BPI: variants seen among roughly 807,000 people sequenced by gnomAD.
The protein encoded by BPI is bactericidal permeability increasing protein.
A neutral mutation model predicts 57.6 loss-of-function variants in BPI; 48 were observed. That is an observed-to-expected ratio of 0.83 (90% CI 0.66 to 1.06). The LOEUF is 1.06. Among genes scored for constraint, BPI ranks in the 50% least tolerant of loss-of-function variants. The probability of loss-of-function intolerance (pLI) is 0.00; values close to 1 mark genes in which losing one functional copy is unlikely to be tolerated. For missense variants in BPI, 651 were observed against 609.7 expected (o/e 1.07, Z -0.71); for synonymous variants, 237 against 238.2 (o/e 0.99, Z 0.05).
intron 4 of BPI, among the ~76,000 whole-genome samples, chr20:38,311,612 G>C (rs5743508): frequency 1.2e-3 from 184 of 152,338 alleles, no homozygotes; most frequent in Non-Finnish European, 2.0e-3. Flanking sequence ...AGTGTGGCTA[G>C]TGTGCAGCAA....
chr20:38,336,087 A>G (rs1293897910), intron 14 of BPI, among the ~76,000 whole-genome samples: 4 of 152,222 alleles, frequency 2.6e-5, no homozygotes, highest in Non-Finnish European at 4.4e-5. Flanking sequence ...GACACAGCAC[A>G]GAAGTCTCCT....
At chr20:38,320,452 C>G (rs934262754) in intron 7 of BPI, among the ~76,000 whole-genome samples, 178 bp downstream of exon 7, 1 of 151,980 alleles carries the variant, frequency 6.6e-6, no homozygotes, top group Non-Finnish European at 1.5e-5. Context: ...CGCCATTCCC[C>G]GAAACACACC....
At chr20:38,319,243 A>G (rs1010470681) in intron 6 of BPI, among the ~76,000 whole-genome samples, 2 of 152,170 alleles carry the variant, frequency 1.3e-5, no homozygotes, top group African/African-American at 4.8e-5. Context: ...TCAAAAACAA[A>G]AAACAAAACA....
At position 38,311,905 on chromosome 20, in the gene BPI, G is replaced by C; in HGVS notation, c.568G>C (p.Glu190Gln). Residue 190 changes from glutamate (E) to glutamine (Q), a missense_variant, in exon 5 of 15, where the codon GAG (glutamate) becomes CAG (glutamine). Coordinates refer to ENST00000642449, the MANE Select transcript of BPI (RefSeq NM_001725.3). ...WLIQLFHKKI[E>Q]SALRNKMNSQ... ...GATCCAACTCTTCCACAAAAAAATT[G>C]AGTCTGCGCTTCGAAACAAGATGAA... 6.2e-7 allele frequency: 1 copy of C among 1,613,982 alleles called. No homozygotes were observed. Among genetic ancestry groups the C allele is most frequent in the Non-Finnish European group, 8.5e-7 (1 of 1,179,992 alleles).
intron 3 of BPI, among the ~76,000 whole-genome samples, chr20:38,309,420 C>T (rs1011942810): frequency 1.3e-5 from 2 of 152,138 alleles, no homozygotes; most frequent in African/African-American, 2.4e-5. Flanking sequence ...ATGTATCTGT[C>T]GGCTGGGGCT....
Position 38,337,251 on chromosome 20 carries a change from C to A in BPI, c.*67C>A. 1 of 1,408,316 alleles carries A rather than the reference C, an allele frequency of 7.1e-7. No homozygotes were observed. Among genetic ancestry groups the A allele is most frequent in the East Asian group, 2.5e-5 (1 of 39,598 alleles). 87.2% of individuals were successfully genotyped at this position (1,408,316 alleles called of 1,614,324 possible). ...TGATGGGCTGTGGGGCACCGGCTGC[C>A]TTTCCCCAGGGAATCCTCTCCAGAT... On this transcript the variant is annotated 3_prime_UTR_variant, in exon 15 of 15. Coordinates refer to ENST00000642449, the MANE Select transcript of BPI (RefSeq NM_001725.3).
chr20:38,305,069 G>C (rs2076590662), intron 1 of BPI, among the ~76,000 whole-genome samples: 1 of 152,216 alleles, frequency 6.6e-6, no homozygotes, highest in African/African-American at 2.4e-5. Flanking sequence ...CGATGGCAGA[G>C]AGATGACCTG....
At chr20:38,329,910 C>G (rs1039219940) in intron 11 of BPI, among the ~76,000 whole-genome samples, 1 of 151,882 alleles carries the variant, frequency 6.6e-6, no homozygotes. Flanking sequence ...ACATGGTTTC[C>G]CATGTTGGCC....
In BPI at chr20:38,311,873, G is replaced by A. The variant is rs753318885; in HGVS notation, c.537-1G>A. ...CTATGTCCCTACTTGTTCATCTCTAGGTGGCTGATCCAACTCTTCCACAAA... is the reference window on the plus strand; with the variant it reads ...CTATGTCCCTACTTGTTCATCTCTAAGTGGCTGATCCAACTCTTCCACAAA... On this transcript the variant is annotated splice_acceptor_variant, in intron 4 of 14. Transcript: ENST00000642449. LOFTEE classifies it high-confidence loss of function. 6.2e-7 allele frequency: 1 copy of A among 1,613,966 alleles called. No individual in the cohort carries two copies. Among genetic ancestry groups the A allele is most frequent in the South Asian group, 1.1e-5 (1 of 91,058 alleles).
At position 38,318,422 on chromosome 20, in the gene BPI, A is replaced by C; in HGVS notation, c.610A>C (p.Lys204Gln). The change falls in exon 6 of 15, where the codon AAA becomes CAA. Residue 204 changes from lysine (K) to glutamine (Q), a missense_variant. Transcript: ENST00000642449. ...RNKMNSQVCE[K>Q]VTNSVSSELQ... ...GTTTGGTTCTCCCCAGGTCTGCGAGAAAGTGACCAATTCTGTATCCTCCGA... is the reference window on the plus strand; with the variant it reads ...GTTTGGTTCTCCCCAGGTCTGCGAGCAAGTGACCAATTCTGTATCCTCCGA... The C allele has an allele frequency of 6.2e-7, 1 of 1,613,688 alleles. No individual in the cohort carries two copies. Among genetic ancestry groups the C allele is most frequent in the Non-Finnish European group, 8.5e-7 (1 of 1,179,594 alleles).
chr20:38,316,969 G>A (rs951827958), intron 5 of BPI, among the ~76,000 whole-genome samples: 1 of 152,162 alleles, frequency 6.6e-6, no homozygotes, highest in African/African-American at 2.4e-5. Context: ...GGAAGAGCTT[G>A]CAAAGAAGTC....
intron 1 of BPI, among the ~76,000 whole-genome samples, chr20:38,304,732 A>G (rs1052198658): frequency 2.0e-5 from 3 of 152,142 alleles, no homozygotes; most frequent in Non-Finnish European, 2.9e-5. Context: ...GCAGGGTCAG[A>G]GGGAGAGTGT....
At chr20:38,307,066 G>A (rs79074313) in intron 1 of BPI, among the ~76,000 whole-genome samples, 2,925 of 152,022 alleles carry the variant, frequency 0.019, 38 homozygotes, top group Middle Eastern at 0.1. Context: ...TGGTGTGGTG[G>A]CGAACACCTG....
At chr20:38,326,212 A>G (rs1170905841) in intron 9 of BPI, 53 bp from the exon 10 acceptor site, 2 of 1,556,298 alleles carry the variant, frequency 1.3e-6, no homozygotes, top group Non-Finnish European at 1.7e-6. Flanking sequence ...GGATTCAGAA[A>G]CATTTTAACA....
intron 2 of BPI, 41 bp from the exon 3 acceptor site, chr20:38,308,889 A>C: frequency 6.2e-7 from 1 of 1,612,724 alleles, no homozygotes; most frequent in East Asian, 2.2e-5. Context: ...TGCACCTAGG[A>C]GTATATGAAA....
In BPI at chr20:38,310,629, G is replaced by T. The variant is rs757077332; in HGVS notation, c.513G>T (p.Val171=). 2 of 1,613,660 alleles carry T rather than the reference G, an allele frequency of 1.2e-6. No homozygotes were observed. The highest frequency in any genetic ancestry group is 2.2e-5 in the South Asian group (2 of 90,968). The stretch of plus-strand genomic sequence containing the variant: ...GCAGCCACATCAACAGTGTCCACGT[G>T]CACATCTCAAAGAGCAAAGTGGGGT... ...SCSSHINSVH[V]HISKSKVGWL... The change falls in exon 4 of 15, where the codon GTG becomes GTT. Residue 171 remains valine, a synonymous_variant. Transcript: ENST00000642449.
At chr20:38,335,511 G>A in intron 13 of BPI, 87 bp from the exon 14 acceptor site, 2 of 1,225,362 alleles carry the variant, frequency 1.6e-6, no homozygotes, top group East Asian at 2.3e-5. Context: ...GTTCAGGGAG[G>A]CTGTCTACCC....
intron 11 of BPI, among the ~76,000 whole-genome samples, chr20:38,328,926 A>G (rs2076728103): frequency 6.6e-6 from 1 of 152,144 alleles, no homozygotes; most frequent in Non-Finnish European, 1.5e-5. Flanking sequence ...GGATCACTTG[A>G]GCCTGGCAGG....
At position 38,337,399 on chromosome 20, in the gene BPI, G is replaced by T. The variant is rs2076772931; in HGVS notation, c.*215G>T. 1 of 442,302 alleles carries T rather than the reference G, an allele frequency of 2.3e-6. No homozygotes were observed. Among genetic ancestry groups the T allele is most frequent in the Non-Finnish European group, 3.9e-6 (1 of 253,954 alleles). 27.4% of individuals were successfully genotyped at this position (442,302 alleles called of 1,614,324 possible). ...TTTAGGGATTATGAGCTTCTTTCAA[G>T]GGCTAAGGCTGCAGAGATATTTCCT... On this transcript the variant is annotated 3_prime_UTR_variant, in exon 15 of 15. Coordinates refer to ENST00000642449, the MANE Select transcript of BPI (RefSeq NM_001725.3).
Sources: allele counts gnomAD v4.1 joint callset (sites outside exome capture counted in the v4.1 genomes callset), GRCh38; gene constraint gnomAD v4.1.1; transcripts MANE v1.5; gene names NCBI Gene and HGNC (gene_info 2026-07-23, HGNC 2026-07-21).